MAP3K3: variants seen among roughly 807,000 people sequenced by gnomAD.
MAP3K3 encodes MAP/ERK kinase kinase 3.
Under a neutral mutation model 80.9 loss-of-function variants are expected in MAP3K3, and 12 were observed. The observed-to-expected ratio is 0.15, with a 90% confidence interval of 0.10 to 0.24. The LOEUF is 0.24. Among genes scored for constraint, MAP3K3 ranks in the 10% least tolerant of loss-of-function variants. The probability of loss-of-function intolerance (pLI) is 1.00; values close to 1 mark genes in which losing one functional copy is unlikely to be tolerated. For missense variants in MAP3K3, 596 were observed against 834.7 expected (o/e 0.71, Z 3.52); for synonymous variants, 272 against 307.1 (o/e 0.89, Z 1.19).
At chr17:63,635,202 G>A (rs912017946) in intron 2 of MAP3K3, among the ~76,000 whole-genome samples, 2 of 152,220 alleles carry the variant, frequency 1.3e-5, no homozygotes, top group African/African-American at 2.4e-5. Context: ...GTAAGGGACT[G>A]TTGATTTATT....
chr17:63,685,645 G>A, intron 8 of MAP3K3, 55 bp downstream of exon 8: 1 of 1,459,836 alleles, frequency 6.9e-7, no homozygotes, highest in Non-Finnish European at 9.6e-7. Flanking sequence ...TGGAATTGAT[G>A]GGTTGAGGAA....
rs571849375 is a variant in MAP3K3, at chr17:63,635,643, A to G, written c.126+2841A>G. Among the ~76,000 whole-genome samples, 38 of 152,354 alleles carry G rather than the reference A, an allele frequency of 2.5e-4. 1 individual carries two copies. In the South Asian group the frequency reaches 7.7e-3, roughly 31 times the overall value. ...TGTTGGGGAGAGGTATTTATAGCCT[A>G]GTATAATGAAAGGAGCCTGGTGATA... On this transcript the variant is annotated intron_variant, in intron 2 of 15. Coordinates refer to ENST00000361733, the MANE Select transcript of MAP3K3 (RefSeq NM_002401.5).
At position 63,646,026 on chromosome 17, in the gene MAP3K3, T is replaced by C. The variant is rs750933927; in HGVS notation, c.127-8T>C. 6.8e-6 allele frequency: 11 copies of C among 1,613,554 alleles called. No individual in the cohort carries two copies. The East Asian group carries it at 2.2e-4, about 33-fold the overall frequency. ...ATTCTCTAACCTGTCTATCATTCTT[T>C]TTGGCAGAGTGACGTCAGAATCAAG... On this transcript the variant is annotated splice_region_variant and splice_polypyrimidine_tract_variant and intron_variant, in intron 2 of 15. Coordinates refer to ENST00000361733, the MANE Select transcript of MAP3K3 (RefSeq NM_002401.5).
At chr17:63,666,903 A>G (rs754796483) in intron 5 of MAP3K3, 37 bp from the exon 6 acceptor site, 1 of 1,610,602 alleles carries the variant, frequency 6.2e-7, no homozygotes, top group African/African-American at 1.3e-5. Flanking sequence ...CTGACTGTGT[A>G]AAGATGTAGC....
chr17:63,622,646 C>A lies in MAP3K3; in HGVS notation c.-114C>A. On this transcript the variant is annotated 5_prime_UTR_variant, in exon 1 of 16. Transcript: ENST00000361733. ...CGGGGGCCCAGAGCGCAGCCCGCGC[C>A]CCCCGCGCGGAGCCAGGCCCGCTGC... The A allele has an allele frequency of 4.5e-6, 1 of 221,984 alleles. No individual in the cohort carries two copies. The highest frequency in any genetic ancestry group is 8.6e-6 in the Non-Finnish European group (1 of 116,160). The allele number at this position is 221,984 out of a possible 1,614,324, so 13.8% of individuals were successfully genotyped here.
chr17:63,680,806 T>G (rs1181263914), intron 6 of MAP3K3, among the ~76,000 whole-genome samples: 1 of 151,482 alleles, frequency 6.6e-6, no homozygotes, highest in Non-Finnish European at 1.5e-5. Context: ...GTTTTGGGTT[T>G]TTTTTTTTTT....
In MAP3K3 at chr17:63,622,456, A is replaced by C. The variant is rs1199184752; in HGVS notation, c.-304A>C. 1 of 152,958 alleles carries C rather than the reference A, an allele frequency of 6.5e-6. No homozygotes were observed. The highest frequency in any genetic ancestry group is 2.4e-5 in the African/African-American group (1 of 41,354). The allele number at this position is 152,958 out of a possible 1,614,324, so 9.5% of individuals were successfully genotyped here. Reference sequence around the variant, plus strand: ...TCCTGAGGTGGAGAACGGTGGCCGGACGGAGAGACTGCGGGTCTGAGGGAC... The same window carrying C: ...TCCTGAGGTGGAGAACGGTGGCCGGCCGGAGAGACTGCGGGTCTGAGGGAC... On this transcript the variant is annotated 5_prime_UTR_variant, in exon 1 of 16. Coordinates refer to ENST00000361733, the MANE Select transcript of MAP3K3 (RefSeq NM_002401.5).
intron 7 of MAP3K3, among the ~76,000 whole-genome samples, chr17:63,682,182 A>G (rs1459327698): frequency 6.6e-6 from 1 of 152,242 alleles, no homozygotes; most frequent in Non-Finnish European, 1.5e-5. Context: ...TTGTTCCTAC[A>G]GGCAGGCACC....
intron 1 of MAP3K3, among the ~76,000 whole-genome samples, chr17:63,626,017 G>C (rs140785502): frequency 1.2e-4 from 19 of 152,276 alleles, no homozygotes; most frequent in Non-Finnish European, 2.5e-4. Flanking sequence ...AGGCTGCAGT[G>C]AACCATGATC....
Position 63,688,548 on chromosome 17 carries a change from A to G in MAP3K3, c.732A>G (p.Arg244=). 1 of 1,614,032 alleles carries G rather than the reference A, an allele frequency of 6.2e-7. No homozygotes were observed. Among genetic ancestry groups the G allele is most frequent in the Non-Finnish European group, 8.5e-7 (1 of 1,179,994 alleles). ...CCAGCCCATCCTTCCGGAAATCACG[A>G]ATGTCCCGTGCCCAGAGCTTCCCTG... ...SADSPSFRKS[R]MSRAQSFPDN... Residue 244 remains arginine (R), a synonymous_variant, in exon 9 of 16, where the codon CGA becomes CGG. Coordinates refer to ENST00000361733, the MANE Select transcript of MAP3K3 (RefSeq NM_002401.5).
intron 2 of MAP3K3, among the ~76,000 whole-genome samples, chr17:63,641,899 G>A (rs1228119181): frequency 6.6e-6 from 1 of 152,230 alleles, no homozygotes; most frequent in Non-Finnish European, 1.5e-5. Context: ...AGTGGTCAGA[G>A]TGGTAGCAGG....
At chr17:63,625,385 A>G (rs887996806) in intron 1 of MAP3K3, among the ~76,000 whole-genome samples, 1 of 152,298 alleles carries the variant, frequency 6.6e-6, no homozygotes, top group Non-Finnish European at 1.5e-5. Context: ...TTTAGTAATC[A>G]TAGTGGCAAA....
intron 3 of MAP3K3, among the ~76,000 whole-genome samples, chr17:63,648,252 C>T (rs893670360): frequency 6.6e-6 from 1 of 152,198 alleles, no homozygotes; most frequent in Non-Finnish European, 1.5e-5. Flanking sequence ...TGGCTCATTG[C>T]TAGGCCAAAT....
chr17:63,678,005 A>C (rs1367336916), intron 6 of MAP3K3, among the ~76,000 whole-genome samples: 1 of 152,176 alleles, frequency 6.6e-6, no homozygotes, highest in Non-Finnish European at 1.5e-5. Flanking sequence ...TTCAAGGAGA[A>C]GTTATGTCTT....
chr17:63,630,525 C>T (rs1270987217), intron 1 of MAP3K3, among the ~76,000 whole-genome samples: 4 of 152,044 alleles, frequency 2.6e-5, no homozygotes, highest in African/African-American at 7.2e-5. Context: ...TGTAGTTTTG[C>T]CATGTTGCCC....
chr17:63,627,616 A>AT (rs531056437), intron 1 of MAP3K3, among the ~76,000 whole-genome samples: 128 of 151,338 alleles, frequency 8.5e-4, no homozygotes, highest in African/African-American at 3.1e-3. Context: ...CTAATTTTGT[A>AT]TTTTTAGTAG....
At chr17:63,690,581 T>C in intron 12 of MAP3K3, 169 bp downstream of exon 12, 2 of 706,868 alleles carry the variant, frequency 2.8e-6, no homozygotes, top group Non-Finnish European at 4.6e-6. Flanking sequence ...GACTGTGGTC[T>C]GAAGAGCACC....
intron 8 of MAP3K3, among the ~76,000 whole-genome samples, chr17:63,687,769 CA>C (rs1439080814): frequency 6.8e-6 from 1 of 146,822 alleles, no homozygotes; most frequent in Non-Finnish European, 1.5e-5. Context: ...GCGGGTGGAT[CA>C]CAAGGTCAAG....
At chr17:63,637,061 A>G in intron 2 of MAP3K3, 1 of 512,090 alleles carries the variant, frequency 2.0e-6, no homozygotes. Flanking sequence ...GGAGATTACC[A>G]AGTTTGAGAG....
Sources: gnomAD v4.1 joint callset for allele counts (sites outside exome capture counted in the v4.1 genomes callset) on GRCh38, gnomAD v4.1.1 for gene constraint, MANE v1.5 for transcripts, NCBI Gene and HGNC (gene_info 2026-07-23, HGNC 2026-07-21) for gene names.